The following PTDSS2 variants were observed in gnomAD, a reference collection of about 807,000 sequenced individuals.
PTDSS2 encodes PSS-2.
Under a neutral mutation model 64.7 loss-of-function variants are expected in PTDSS2, and 41 were observed. The ratio of observed to expected loss-of-function variants is 0.63; its 90% confidence interval spans 0.49 to 0.82. The LOEUF is 0.82. Ranked by LOEUF, PTDSS2 falls within the 40% of genes least tolerant of loss-of-function variation. The pLI is 0.00. For missense variants in PTDSS2, 485 were observed against 650.0 expected (o/e 0.75, Z 2.76); for synonymous variants, 297 against 277.8 (o/e 1.07, Z -0.69).
Position 488,195 on chromosome 11 carries a change from A to G in PTDSS2, c.622-4A>G, listed in dbSNP as rs757285417. 5.0e-6 allele frequency: 8 copies of G among 1,609,600 alleles called. No individual in the cohort carries two copies. The Admixed American group carries it at 5.0e-5, about 10-fold the overall frequency. Reference sequence around the variant, plus strand: ...CATACTCTGGCTGACCCTGGCGCCCACAGACCCTGATGATCCGAGACTGGT... The same window carrying G: ...CATACTCTGGCTGACCCTGGCGCCCGCAGACCCTGATGATCCGAGACTGGT... On this transcript the variant is annotated splice_polypyrimidine_tract_variant and splice_region_variant and intron_variant, in intron 6 of 11. Coordinates refer to ENST00000308020, the MANE Select transcript of PTDSS2 (RefSeq NM_030783.3).
chr11:468,910 G>A (rs1457597513), intron 2 of PTDSS2, among the ~76,000 whole-genome samples: 2 of 147,284 alleles, frequency 1.4e-5, no homozygotes, highest in African/African-American at 5.2e-5. Flanking sequence ...GTAATCGGAG[G>A]GAGGAGGGGA....
chr11:461,784 C>T lies in PTDSS2; in HGVS notation c.284+1496C>T, dbSNP rs1280490144. Among the ~76,000 whole-genome samples, 1 of 152,196 alleles carries T rather than the reference C, an allele frequency of 6.6e-6. No homozygotes were observed. Among genetic ancestry groups the T allele is most frequent in the Non-Finnish European group, 1.5e-5 (1 of 68,020 alleles). On this transcript the variant is annotated intron_variant, in intron 2 of 11. Transcript: ENST00000308020. This position sits in a 1 kb window ranked among gnomAD's most constrained non-coding sequence, Gnocchi z 4.2. ...GCAGAACCTGCAGGCCCGGTGTGCA[C>T]TGTGTAACTAGGCTCCAGAAATAGA...
At position 491,224 on chromosome 11, in the gene PTDSS2, C is replaced by T. The variant is rs1433482007; in HGVS notation, c.*642C>T. The T allele has an allele frequency of 6.5e-6, 1 of 153,246 alleles. No individual in the cohort carries two copies. The highest frequency in any genetic ancestry group is 2.4e-5 in the African/African-American group (1 of 41,478). 9.5% of individuals were successfully genotyped at this position (153,246 alleles called of 1,614,324 possible). On this transcript the variant is annotated 3_prime_UTR_variant, in exon 12 of 12. Transcript: ENST00000308020. The stretch of plus-strand genomic sequence containing the variant: ...CGAGCCTTCCTTTCACACAGACCAC[C>T]CCGGAGGACACGTGGATGATGGGGT...
rs906563354 is a variant in PTDSS2, at chr11:491,145, C to T, written c.*563C>T. 2 of 155,992 alleles carry T rather than the reference C, an allele frequency of 1.3e-5. No individual in the cohort carries two copies. The highest frequency in any genetic ancestry group is 3.8e-4 in the East Asian group (2 of 5,208). The allele number at this position is 155,992 out of a possible 1,614,324, so 9.7% of individuals were successfully genotyped here. ...GCTCGTGTGGGCGCTCGTCCACAAACACTCCGTGGCTGAGAGGCAGCGGAT... is the reference window on the plus strand; with the variant it reads ...GCTCGTGTGGGCGCTCGTCCACAAATACTCCGTGGCTGAGAGGCAGCGGAT... On this transcript the variant is annotated 3_prime_UTR_variant, in exon 12 of 12. Transcript: ENST00000308020.
chr11:449,145 G>A (rs1846213554), upstream of PTDSS2, among the ~76,000 whole-genome samples: 2 of 145,848 alleles, frequency 1.4e-5, no homozygotes, highest in South Asian at 2.1e-4. Flanking sequence ...TCGGCTCACT[G>A]CAACCTCCAC....
chr11:480,583 A>G (rs113834930), intron 4 of PTDSS2: 5,076 of 157,288 alleles, frequency 0.032, 296 homozygotes, highest in African/African-American at 0.12. Context: ...TTTTGAGACG[A>G]CGTCTTACTC....
chr11:474,095 G>A (rs1847606300), intron 3 of PTDSS2, 118 bp downstream of exon 3: 8 of 816,596 alleles, frequency 9.8e-6, no homozygotes, highest in Admixed American at 5.3e-5. Flanking sequence ...GCCCCTCCCC[G>A]AGGCCTCCGA....
Position 479,166 on chromosome 11 carries a change from C to T in PTDSS2, c.435+14C>T. 6.2e-7 allele frequency: 1 copy of T among 1,611,074 alleles called. No individual in the cohort carries two copies. Among genetic ancestry groups the T allele is most frequent in the Non-Finnish European group, 8.5e-7 (1 of 1,177,158 alleles). ...ATACTCTTCCAGGTAAGCTGTTTTTCTGGGTTGGATACCTGGGAACTTAGG... is the reference window on the plus strand; with the variant it reads ...ATACTCTTCCAGGTAAGCTGTTTTTTTGGGTTGGATACCTGGGAACTTAGG... On this transcript the variant is annotated intron_variant, in intron 4 of 11. Coordinates refer to ENST00000308020, the MANE Select transcript of PTDSS2 (RefSeq NM_030783.3). The surrounding 1 kb of genome is among the most constrained non-coding windows in gnomAD (Gnocchi z 4.2).
intron 4 of PTDSS2, among the ~76,000 whole-genome samples, chr11:485,156 A>G (rs1475447858): frequency 8.7e-5 from 9 of 103,022 alleles, no homozygotes; most frequent in African/African-American, 2.7e-4. Flanking sequence ...GTGTAAGTGC[A>G]CGGGCGTGTG....
In PTDSS2 at chr11:461,680, G is replaced by A. The variant is rs1846890388; in HGVS notation, c.284+1392G>A. ...GAGGTGCCAGCTTGCTCCCAGGCCT[G>A]GCCTGGCCAGTGCCTCCCGTGCTCC... On this transcript the variant is annotated intron_variant, in intron 2 of 11. Transcript: ENST00000308020. This position sits in a 1 kb window ranked among gnomAD's most constrained non-coding sequence, Gnocchi z 4.2. Among the ~76,000 whole-genome samples, 1 of 152,184 alleles carries A rather than the reference G, an allele frequency of 6.6e-6. No individual in the cohort carries two copies. Among genetic ancestry groups the A allele is most frequent in the African/African-American group, 2.4e-5 (1 of 41,454 alleles).
In PTDSS2 at chr11:490,601, C is replaced by G; in HGVS notation, c.*19C>G. 1 of 1,561,692 alleles carries G rather than the reference C, an allele frequency of 6.4e-7. No homozygotes were observed. Among genetic ancestry groups the G allele is most frequent in the Non-Finnish European group, 8.7e-7 (1 of 1,152,706 alleles). The stretch of plus-strand genomic sequence containing the variant: ...AAACTGACCTGGGCCGTGGCTGCCT[C>G]GTGAGCCTCCCAGAGCCCAGGCCTC... On this transcript the variant is annotated 3_prime_UTR_variant, in exon 12 of 12. Coordinates refer to ENST00000308020, the MANE Select transcript of PTDSS2 (RefSeq NM_030783.3).
intron 1 of PTDSS2, among the ~76,000 whole-genome samples, chr11:452,765 G>T (rs1334987285): frequency 1.3e-5 from 2 of 152,202 alleles, no homozygotes; most frequent in African/African-American, 4.8e-5. Context: ...TGCCTGCCTG[G>T]TGAGAATTCA....
chr11:460,732 C>T lies in PTDSS2; in HGVS notation c.284+444C>T, dbSNP rs1420815217. On this transcript the variant is annotated intron_variant, in intron 2 of 11. Coordinates refer to ENST00000308020, the MANE Select transcript of PTDSS2 (RefSeq NM_030783.3). The surrounding 1 kb of genome is among the most constrained non-coding windows in gnomAD (Gnocchi z 5.8). Reference sequence around the variant, plus strand: ...CACGGACCGCAGACCATCTGGTCAGCAGCCAAGCGAGTAAACTCGTCTTCT... The same window carrying T: ...CACGGACCGCAGACCATCTGGTCAGTAGCCAAGCGAGTAAACTCGTCTTCT... The T allele has an allele frequency of 6.2e-6, 1 of 161,660 alleles. No individual in the cohort carries two copies. 10.0% of individuals were successfully genotyped at this position (161,660 alleles called of 1,614,324 possible). A position where few individuals can be genotyped will look rare whatever the true frequency, so the allele number is the denominator to read the frequency against.
intron 4 of PTDSS2, among the ~76,000 whole-genome samples, chr11:482,107 A>G (rs1174958997): frequency 1.3e-5 from 2 of 151,990 alleles, no homozygotes; most frequent in African/African-American, 2.4e-5. Flanking sequence ...TGGCCTCCCA[A>G]AGTGCTGGGA....
At chr11:486,673 T>C (rs1347387840) in intron 4 of PTDSS2, among the ~76,000 whole-genome samples, 1 of 151,452 alleles carries the variant, frequency 6.6e-6, no homozygotes, top group Non-Finnish European at 1.5e-5. Context: ...AAACCCCGTC[T>C]CTACTAAAAA....
In PTDSS2 at chr11:450,331, C is replaced by G. The variant is rs1019887888; in HGVS notation, c.-125C>G. Reference sequence around the variant, plus strand: ...CGGCCCCGCGCTGCTCTCCTAAGACCCCGCGGGCCAGCGCCGCGACCCCTT... The same window carrying G: ...CGGCCCCGCGCTGCTCTCCTAAGACGCCGCGGGCCAGCGCCGCGACCCCTT... On this transcript the variant is annotated 5_prime_UTR_variant, in exon 1 of 12. Transcript: ENST00000308020. 4 of 853,618 alleles carry G rather than the reference C, an allele frequency of 4.7e-6. No individual in the cohort carries two copies. Among genetic ancestry groups the G allele is most frequent in the Non-Finnish European group, 6.2e-6 (4 of 648,922 alleles). The allele number at this position is 853,618 out of a possible 1,614,324, so 52.9% of individuals were successfully genotyped here. A position where few individuals can be genotyped will look rare whatever the true frequency, so the allele number is the denominator to read the frequency against.
chr11:464,994 G>A (rs77110222), intron 2 of PTDSS2, among the ~76,000 whole-genome samples: 1 of 152,218 alleles, frequency 6.6e-6, no homozygotes, highest in East Asian at 1.9e-4. Flanking sequence ...CCAGAAACAG[G>A]CGCGCACGAC....
rs541552619 is a variant in PTDSS2, at chr11:454,719, C to T, written c.182+4082C>T. Among the ~76,000 whole-genome samples, 297 of 152,216 alleles carry T rather than the reference C, an allele frequency of 2.0e-3. 1 individual carries two copies. Among genetic ancestry groups the T allele is most frequent in the African/African-American group, 7.0e-3 (289 of 41,534 alleles). ...GCTTGGGAGGCTGAGGCAGGAGAAT[C>T]GCTTGAACCTGGGAGGCAGAGATCG... On this transcript the variant is annotated intron_variant, in intron 1 of 11. Transcript: ENST00000308020.
chr11:450,090 T>C (rs1846245262), upstream of PTDSS2, among the ~76,000 whole-genome samples: 1 of 152,098 alleles, frequency 6.6e-6, no homozygotes, highest in African/African-American at 2.4e-5. Flanking sequence ...ATGTCTGTGG[T>C]TACCTCCAAG....
Sources: allele counts gnomAD v4.1 joint callset (sites outside exome capture counted in the v4.1 genomes callset), GRCh38; gene constraint gnomAD v4.1.1; non-coding constraint Gnocchi (gnomAD v3.1); transcripts MANE v1.5; gene names NCBI Gene and HGNC (gene_info 2026-07-23, HGNC 2026-07-21).